Variants in PREX1 observed in about 807,000 individuals in gnomAD.
PREX1 encodes phosphatidylinositol-3,4,5-trisphosphate dependent Rac exchange factor 1, also known as phosphatidylinositol 3,4,5-trisphosphate-dependent Rac exchanger 1 protein.
In PREX1, 41 loss-of-function variants were observed where a neutral mutation model predicts 198.3. That is an observed-to-expected ratio of 0.21 (90% CI 0.16 to 0.27). The LOEUF is 0.27. Ranked by LOEUF, PREX1 falls within the 10% of genes least tolerant of loss-of-function variation. The pLI, the probability that PREX1 is intolerant of heterozygous loss-of-function variation, is 1.00. For synonymous variants in PREX1, 843 were observed against 887.2 expected (o/e 0.95, Z 0.89); for missense variants, 1,620 against 2,200.7 (o/e 0.74, Z 5.28).
chr20:48,669,977 A>G (rs2089664414), intron 14 of PREX1, among the ~76,000 whole-genome samples: 1 of 152,168 alleles, frequency 6.6e-6, no homozygotes, highest in South Asian at 2.1e-4. Context: ...CCGACCCACC[A>G]TGTACAAGGA....
chr20:48,805,640 C>G (rs1479274649), intron 1 of PREX1, among the ~76,000 whole-genome samples: 1 of 152,204 alleles, frequency 6.6e-6, no homozygotes, highest in East Asian at 1.9e-4. Context: ...GCACCGGGGG[C>G]TCCCTTCTTC....
intron 12 of PREX1, 117 bp downstream of exon 12, chr20:48,679,533 GT>G (rs2089734024): frequency 2.2e-6 from 3 of 1,369,174 alleles, no homozygotes; most frequent in East Asian, 4.6e-5. Context: ...GCAGGGGTGA[GT>G]TGTGGGCAGT....
Position 48,645,935 on chromosome 20 carries a change from C to T in PREX1, c.3428G>A (p.Gly1143Asp). The T allele has an allele frequency of 6.2e-7, 1 of 1,614,192 alleles. No individual in the cohort carries two copies. Among genetic ancestry groups the T allele is most frequent in the Non-Finnish European group, 8.5e-7 (1 of 1,180,026 alleles). Residue 1143 changes from glycine (G) to aspartate (D), a missense_variant, in exon 26 of 40, where the codon GGC becomes GAC. By Grantham distance (94) the Gly-to-Asp change is moderately conservative. Coordinates refer to ENST00000371941, the MANE Select transcript of PREX1 (RefSeq NM_020820.4). Reference protein sequence around the residue: ...ESEMDRSDHGGIKKVCFKVAE... With the variant: ...ESEMDRSDHGDIKKVCFKVAE... ...CACCTTGAAGCACACCTTCTTGATG[C>T]CCCCATGGTCACTCCTGTCCATCTC...
At chr20:48,746,995 CACACACACACACACA>C (rs1568848690) in intron 2 of PREX1, among the ~76,000 whole-genome samples, 70 of 127,428 alleles carry the variant, frequency 5.5e-4, no homozygotes, top group East Asian at 5.1e-3. Flanking sequence ...CACACACACA[CACACACACACACACA>C]CCCCACCCCC....
At chr20:48,627,646 C>T in intron 38 of PREX1, 31 bp from the exon 39 acceptor site, 1 of 1,585,956 alleles carries the variant, frequency 6.3e-7, no homozygotes, top group Non-Finnish European at 8.7e-7. Flanking sequence ...GCAGGGGCCT[C>T]TGCAGGTTCA....
intron 3 of PREX1, among the ~76,000 whole-genome samples, chr20:48,738,686 G>A (rs561354599): frequency 6.6e-6 from 1 of 152,180 alleles, no homozygotes; most frequent in Non-Finnish European, 1.5e-5. Flanking sequence ...GGTTTGGGGG[G>A]AGAAGGGGAC....
chr20:48,795,490 T>C (rs767590859), intron 1 of PREX1, among the ~76,000 whole-genome samples: 2 of 151,472 alleles, frequency 1.3e-5, no homozygotes, highest in Non-Finnish European at 2.9e-5. Context: ...GAGGGTGCTT[T>C]TGGCTGGTGG....
At chr20:48,885,990 G>A in the PREX1 span, among the ~76,000 whole-genome samples, 1 of 152,162 alleles carries the variant, frequency 6.6e-6, no homozygotes, top group Non-Finnish European at 1.5e-5. Context: ...GTGGATACAT[G>A]CCATTATATG....
intron 4 of PREX1, among the ~76,000 whole-genome samples, chr20:48,729,076 CTTTT>C (rs1227718519): frequency 1.4e-5 from 2 of 147,828 alleles, no homozygotes; most frequent in South Asian, 4.4e-4. Flanking sequence ...CCTGACTCGG[CTTTT>C]TTTTCTTTTT....
chr20:48,644,551 T>C, intron 26 of PREX1, 54 bp from the exon 27 acceptor site: 1 of 1,529,862 alleles, frequency 6.5e-7, no homozygotes, highest in Non-Finnish European at 9.0e-7. Flanking sequence ...GGCCATCTGG[T>C]CCTGGCACCC....
At chr20:48,861,364 T>C in the PREX1 span, among the ~76,000 whole-genome samples, 1 of 152,218 alleles carries the variant, frequency 6.6e-6, no homozygotes, top group Non-Finnish European at 1.5e-5. Flanking sequence ...ACCCCAGACA[T>C]GTCTTGTTCG....
rs2123096345 is a variant in PREX1 at position 48,827,982 on chromosome 20, G to C, written c.-122C>G. 4.1e-6 allele frequency: 1 copy of C among 245,266 alleles called. No individual in the cohort carries two copies. The highest frequency in any genetic ancestry group is 6.7e-5 in the Admixed American group (1 of 14,834). 15.2% of individuals were successfully genotyped at this position (245,266 alleles called of 1,614,324 possible). On this transcript the variant is annotated 5_prime_UTR_variant, in exon 1 of 40. Coordinates refer to ENST00000371941, the MANE Select transcript of PREX1 (RefSeq NM_020820.4). The surrounding 1 kb of genome is among the most constrained non-coding windows in gnomAD (Gnocchi z 4.1). Reference sequence around the variant, plus strand: ...GGGCTCAGCGGCGGGCCGGGCTCCCGGCGCGGCGGGCGGGACTGGGGGCCG... The same window carrying C: ...GGGCTCAGCGGCGGGCCGGGCTCCCCGCGCGGCGGGCGGGACTGGGGGCCG...
chr20:48,827,777 C>T lies in PREX1; in HGVS notation c.84G>A (p.Ala28=). Residue 28 remains alanine, a synonymous_variant, in exon 1 of 40, where the codon GCG becomes GCA. Coordinates refer to ENST00000371941, the MANE Select transcript of PREX1 (RefSeq NM_020820.4). The surrounding 1 kb of genome is among the most constrained non-coding windows in gnomAD (Gnocchi z 4.1). The stretch of plus-strand genomic sequence containing the variant: ...ACGGGCCGGGGCCGGAGCTGGGCGC[C>T]GCGGCGCCAGGGGCCCGGGGGTCCG... ...AHPDPRAPGA[A]APSSGPGPCA... is the part of the protein sequence containing the mutation. 1 of 1,154,078 alleles carries T rather than the reference C, an allele frequency of 8.7e-7. No individual in the cohort carries two copies. The allele number at this position is 1,154,078 out of a possible 1,614,324, so 71.5% of individuals were successfully genotyped here.
At chr20:48,793,461 A>G (rs934619712) in intron 1 of PREX1, among the ~76,000 whole-genome samples, 16 of 152,250 alleles carry the variant, frequency 1.1e-4, no homozygotes, top group African/African-American at 3.9e-4. Flanking sequence ...AGAAACACCT[A>G]TGAGATAGGC....
the PREX1 span, among the ~76,000 whole-genome samples, chr20:48,834,111 C>T: frequency 6.6e-6 from 1 of 151,810 alleles, no homozygotes; most frequent in African/African-American, 2.4e-5. Flanking sequence ...AATGCAAATG[C>T]CTCAGAAGGG....
intron 1 of PREX1, among the ~76,000 whole-genome samples, chr20:48,811,138 T>C (rs1031223038): frequency 2.0e-5 from 3 of 152,180 alleles, no homozygotes; most frequent in African/African-American, 7.2e-5. Flanking sequence ...GGTTTTTGTA[T>C]GAAATGTCTT....
the PREX1 span, among the ~76,000 whole-genome samples, chr20:48,878,911 T>C: frequency 6.6e-6 from 1 of 152,164 alleles, no homozygotes; most frequent in Non-Finnish European, 1.5e-5. Context: ...ATTAGAAGGA[T>C]AATGGAAGTA....
In PREX1 at chr20:48,666,482, T is replaced by C. The variant is rs924508799; in HGVS notation, c.1666-127A>G. The C allele has an allele frequency of 1.5e-6, 1 of 676,542 alleles. No individual in the cohort carries two copies. The highest frequency in any genetic ancestry group is 2.6e-6 in the Non-Finnish European group (1 of 390,724). 41.9% of individuals were successfully genotyped at this position (676,542 alleles called of 1,614,324 possible). On this transcript the variant is annotated intron_variant, in intron 14 of 39. Transcript: ENST00000371941. This position sits in a 1 kb window ranked among gnomAD's most constrained non-coding sequence, Gnocchi z 4.3. ...AGGGCCAGGGGTTGTCTGTTTTGTT[T>C]ACTGCAGTAACCCCAAAACGGGTTT...
At chr20:48,845,162 G>C in the PREX1 span, among the ~76,000 whole-genome samples, 1 of 152,196 alleles carries the variant, frequency 6.6e-6, no homozygotes, top group Non-Finnish European at 1.5e-5. Flanking sequence ...CATTATGCAA[G>C]ATGTAGGGGA....
Sources: allele counts gnomAD v4.1 joint callset (sites outside exome capture counted in the v4.1 genomes callset), GRCh38; gene constraint gnomAD v4.1.1; non-coding constraint Gnocchi (gnomAD v3.1); transcripts MANE v1.5; gene names NCBI Gene and HGNC (gene_info 2026-07-23, HGNC 2026-07-21).